The following DNAJC18 variants were observed in gnomAD, a reference collection of about 807,000 sequenced individuals.
DNAJC18 encodes DnaJ heat shock protein family (Hsp40) member C18.
In DNAJC18, 40 loss-of-function variants were observed where a neutral mutation model predicts 48.6. The observed-to-expected ratio is 0.82, with a 90% CI of 0.64 to 1.07. The LOEUF (loss-of-function observed/expected upper bound fraction) is 1.07. Ranked by LOEUF, DNAJC18 falls within the 50% of genes least tolerant of loss-of-function variation. The pLI is 0.00. For synonymous variants in DNAJC18, 135 were observed against 152.2 expected, an observed-to-expected ratio of 0.89 and a Z score of 0.83; for missense variants, 340 against 427.7, an observed-to-expected ratio of 0.79 and a Z score of 1.81.
At chr5:139,418,580 T>G in intron 7 of DNAJC18, 1 of 337,730 alleles carries the variant, frequency 3.0e-6, no homozygotes, top group South Asian at 2.3e-5. Flanking sequence ...TGGAATTTCC[T>G]CTTCCTGTTT....
chr5:139,437,532 T>C lies in DNAJC18; in HGVS notation c.67A>G (p.Lys23Glu), dbSNP rs753221987. ...TCAGGAGGTGTGTCTTCTGGGTATT[T>C]GTTTCTTCTAACTGCGTCAATGTAA... ...EAYIDAVRRN[K>E]YPEDTPPESH... The change falls in exon 2 of 8, where the codon AAA (lysine) becomes GAA (glutamate). Residue 23 changes from lysine (K) to glutamate (E), a missense_variant. Transcript: ENST00000302060. The C allele has an allele frequency of 1.1e-5, 18 of 1,613,168 alleles. No individual in the cohort carries two copies. The highest frequency in any genetic ancestry group is 6.8e-6 in the Non-Finnish European group (8 of 1,179,754).
At chr5:139,430,474 G>A (rs894255636) in intron 2 of DNAJC18, among the ~76,000 whole-genome samples, 1 of 152,030 alleles carries the variant, frequency 6.6e-6, no homozygotes, top group Non-Finnish European at 1.5e-5. Flanking sequence ...TTCTGAAATG[G>A]GCTAATAATT....
chr5:139,417,454 G>T (rs970848428), intron 7 of DNAJC18, among the ~76,000 whole-genome samples: 3 of 152,018 alleles, frequency 2.0e-5, no homozygotes, highest in Non-Finnish European at 4.4e-5. Context: ...CTTGGGTTGT[G>T]TGGAGGCTCT....
chr5:139,434,538 G>A (rs892316018), intron 2 of DNAJC18, among the ~76,000 whole-genome samples: 10 of 152,180 alleles, frequency 6.6e-5, no homozygotes, highest in South Asian at 6.2e-4. Context: ...GCTCAGGCTC[G>A]TCTTGAACTC....
intron 6 of DNAJC18, among the ~76,000 whole-genome samples, chr5:139,420,735 G>A (rs528903215): frequency 6.6e-6 from 1 of 151,940 alleles, no homozygotes; most frequent in Admixed American, 6.6e-5. Context: ...TCAGACAAAA[G>A]ATTTCAATGA....
chr5:139,438,189 G>A (rs1460559606), intron 1 of DNAJC18, among the ~76,000 whole-genome samples: 2 of 152,034 alleles, frequency 1.3e-5, no homozygotes, highest in East Asian at 1.9e-4. Context: ...GGTGGCAGGC[G>A]CCTGTAGTCC....
intron 4 of DNAJC18, among the ~76,000 whole-genome samples, chr5:139,425,407 A>G (rs970695430): frequency 6.6e-6 from 1 of 152,144 alleles, no homozygotes; most frequent in Non-Finnish European, 1.5e-5. Context: ...CAAGTGATCC[A>G]CCTACCTTGG....
rs377125785 is a variant in DNAJC18 at position 139,435,705 on chromosome 5, GTTTTT to G, written c.227+1662_227+1666del. ...GGGCCTGGACTTTTCTTCATTGGAA[GTTTTT>G]TTTTTTTTTTTTTTTTTTTTTTCAG... is the stretch of plus-strand genomic sequence containing the variant. On this transcript the variant is annotated intron_variant, in intron 2 of 7. Transcript: ENST00000302060. 4.1e-3 allele frequency among the ~76,000 whole-genome samples: 170 copies of G among 41,188 alleles called. 3 individuals carry two copies. The highest frequency in any genetic ancestry group is 0.024 in the East Asian group (18 of 742). The allele number at this position is 41,188 out of a possible 152,430, so 27.0% of individuals were successfully genotyped here. A position where few individuals can be genotyped will look rare whatever the true frequency, so the allele number is the denominator to read the frequency against.
chr5:139,424,717 C>CAAAAAAAAAAAAAAAAAAA (rs70982777), intron 5 of DNAJC18, among the ~76,000 whole-genome samples: 1 of 23,100 alleles, frequency 4.3e-5, no homozygotes, highest in African/African-American at 2.8e-4. Flanking sequence ...GACCCTCTCT[C>CAAAAAAAAAAAAAAAAAAA]AAAAAAAAAA....
intron 5 of DNAJC18, 40 bp from the exon 6 acceptor site, chr5:139,422,857 C>CTTTTTTTTT (rs374000334): frequency 1.0e-6 from 1 of 990,208 alleles, no homozygotes; most frequent in Non-Finnish European, 1.4e-6. Flanking sequence ...TGTAAGTGTT[C>CTTTTTTTTT]TTTTTTTTTT....
chr5:139,420,742 A>G (rs1272866177), intron 6 of DNAJC18, among the ~76,000 whole-genome samples: 1 of 152,018 alleles, frequency 6.6e-6, no homozygotes, highest in Non-Finnish European at 1.5e-5. Flanking sequence ...AAAGATTTCA[A>G]TGATGCTTTA....
At chr5:139,417,287 A>G (rs548319467) in intron 7 of DNAJC18, among the ~76,000 whole-genome samples, 6 of 152,170 alleles carry the variant, frequency 3.9e-5, no homozygotes, top group Non-Finnish European at 8.8e-5. Flanking sequence ...GTCAATGGCT[A>G]ACCTTGCTAA....
chr5:139,419,069 C>G (rs1172343779), intron 7 of DNAJC18: 4 of 426,376 alleles, frequency 9.4e-6, no homozygotes, highest in Non-Finnish European at 1.9e-5. Context: ...CTAATTTTAT[C>G]AGACTCCATT....
intron 2 of DNAJC18, among the ~76,000 whole-genome samples, chr5:139,429,234 C>T (rs1469581385): frequency 6.6e-6 from 1 of 151,960 alleles, no homozygotes; most frequent in Non-Finnish European, 1.5e-5. Flanking sequence ...CAGGGATGCG[C>T]CACCAGCCCT....
rs747921572 is a variant in DNAJC18 at position 139,422,774 on chromosome 5, A to G, written c.713T>C (p.Ile238Thr). 6.2e-7 allele frequency: 1 copy of G among 1,611,398 alleles called. No individual in the cohort carries two copies. Residue 238 changes from isoleucine (I) to threonine (T), a missense_variant, in exon 6 of 8, where the codon ATT becomes ACT. Physicochemically the swap from Ile to Thr is moderately conservative, Grantham distance 89 (BLOSUM62 -1). Coordinates refer to ENST00000302060, the MANE Select transcript of DNAJC18 (RefSeq NM_152686.4). ...CTGAGTAATGACAGATATAATCACA[A>G]TCACAAGAACTGGAAGTAGCTGAAT... ...AFIQLLPVLV[I>T]VIISVITQLL...
intron 3 of DNAJC18, among the ~76,000 whole-genome samples, chr5:139,428,170 G>A (rs1759272824): frequency 6.6e-6 from 1 of 152,192 alleles, no homozygotes; most frequent in Admixed American, 6.5e-5. Flanking sequence ...GCCTAGGCGG[G>A]CAGATTACTT....
At chr5:139,427,652 A>G (rs760155509) in intron 3 of DNAJC18, among the ~76,000 whole-genome samples, 28 of 152,374 alleles carry the variant, frequency 1.8e-4, no homozygotes, top group Non-Finnish European at 3.7e-4. Context: ...GAAGAAAGAC[A>G]TTCTCCTATG....
At chr5:139,425,224 G>C (rs1401315307) in intron 4 of DNAJC18, 110 bp from the exon 5 acceptor site, 3 of 783,628 alleles carry the variant, frequency 3.8e-6, no homozygotes, top group Admixed American at 4.7e-5. Context: ...AGTGCAATGG[G>C]GTGATCTCGG....
intron 2 of DNAJC18, among the ~76,000 whole-genome samples, chr5:139,434,548 C>T (rs1750599972): frequency 6.6e-6 from 1 of 152,146 alleles, no homozygotes; most frequent in African/African-American, 2.4e-5. Context: ...GTCTTGAACT[C>T]CTAGCTTCAA....
Sources: gnomAD v4.1 joint callset for allele counts (sites outside exome capture counted in the v4.1 genomes callset) on GRCh38, gnomAD v4.1.1 for gene constraint, MANE v1.5 for transcripts, NCBI Gene and HGNC (gene_info 2026-07-23, HGNC 2026-07-21) for gene names.